Variants in TENM2 observed in about 807,000 individuals in gnomAD.
TENM2 encodes teneurin-2.
Under a neutral mutation model 245.2 loss-of-function variants are expected in TENM2, and 52 were observed. That is an observed-to-expected ratio of 0.21 (90% confidence interval 0.17 to 0.27). The LOEUF (loss-of-function observed/expected upper bound fraction) is 0.27, where lower values mean the gene tolerates loss of function less well. TENM2 is among the 10% of genes least tolerant of loss of function. The probability of loss-of-function intolerance (pLI) is 1.00; values close to 1 mark genes in which losing one functional copy is unlikely to be tolerated. For missense variants in TENM2, 3,046 were observed against 3,666.8 expected, an observed-to-expected ratio of 0.83 and a Z score of 4.37; for synonymous variants, 1,363 against 1,438.9, an observed-to-expected ratio of 0.95 and a Z score of 1.19.
intron 3 of TENM2, among the ~76,000 whole-genome samples, chr5:167,940,916 T>TA (rs1356286785): frequency 6.6e-6 from 1 of 152,184 alleles, no homozygotes; most frequent in Non-Finnish European, 1.5e-5. Context: ...ACTACACTAT[T>TA]AAAGTGTCAG....
At position 167,894,984 on chromosome 5, in the gene TENM2, AGGAAG is replaced by A. The variant is rs1775086012; in HGVS notation, c.712+18791_712+18795del. 3.1e-5 allele frequency among the ~76,000 whole-genome samples: 3 copies of A among 95,656 alleles called. No individual in the cohort carries two copies. The Admixed American group carries it at 3.5e-4, about 11-fold the overall frequency. The allele number at this position is 95,656 out of a possible 152,430, so 62.8% of individuals were successfully genotyped here. ...AAGGAAGGAAGGAAGGAAGGAAGGAAGGAAGGAGGGAAGGAAGGAAGGAAGGGAGG... is the reference window on the plus strand; with the variant it reads ...AAGGAAGGAAGGAAGGAAGGAAGGAAGAGGGAAGGAAGGAAGGAAGGGAGG... On this transcript the variant is annotated intron_variant, in intron 3 of 28. Transcript: ENST00000518659.
chr5:167,597,522 A>G (rs1259465241), intron 2 of TENM2, among the ~76,000 whole-genome samples: 2 of 151,998 alleles, frequency 1.3e-5, no homozygotes, highest in Non-Finnish European at 2.9e-5. Context: ...AACATGTAAA[A>G]TTTTCCTTGG....
chr5:167,146,470 T>G, the TENM2 span, among the ~76,000 whole-genome samples: 1 of 152,196 alleles, frequency 6.6e-6, no homozygotes, highest in Admixed American at 6.5e-5. Flanking sequence ...TAAGAAACAG[T>G]GTTCATTCTG....
chr5:167,402,614 C>T lies in TENM2; in HGVS notation c.502+27141C>T, dbSNP rs147197865. Reference sequence around the variant, plus strand: ...CTGAAGTGTAGATTCTCTCTTTCTCCTTCTCCCATCCCCTAACATGAGGGA... The same window carrying T: ...CTGAAGTGTAGATTCTCTCTTTCTCTTTCTCCCATCCCCTAACATGAGGGA... On this transcript the variant is annotated intron_variant, in intron 2 of 28. Transcript: ENST00000518659. 9.5e-4 allele frequency among the ~76,000 whole-genome samples: 144 copies of T among 152,218 alleles called. 1 individual carries two copies. Among genetic ancestry groups the T allele is most frequent in the Non-Finnish European group, 1.8e-3 (120 of 68,014 alleles).
intron 2 of TENM2, among the ~76,000 whole-genome samples, chr5:167,449,557 TAGATAGATAGATAAAG>T (rs1353113697): frequency 6.8e-6 from 1 of 146,458 alleles, no homozygotes; most frequent in African/African-American, 2.6e-5. Flanking sequence ...GATAGATAGA[TAGATAGATAGATAAAG>T]ACAGTTTTTA....
intron 2 of TENM2, among the ~76,000 whole-genome samples, chr5:167,703,066 A>T (rs933099693): frequency 6.6e-6 from 1 of 152,116 alleles, no homozygotes; most frequent in African/African-American, 2.4e-5. Context: ...TCTCTTTCAC[A>T]TATGCACAGG....
intron 2 of TENM2, among the ~76,000 whole-genome samples, chr5:167,590,701 T>C (rs1477980223): frequency 2.0e-5 from 3 of 152,112 alleles, no homozygotes; most frequent in Non-Finnish European, 2.9e-5. Flanking sequence ...CTTGAGTCTC[T>C]TTAATTTGGT....
chr5:167,283,993 C>A (rs1218585886), upstream of TENM2, among the ~76,000 whole-genome samples: 1 of 151,872 alleles, frequency 6.6e-6, no homozygotes, highest in African/African-American at 2.4e-5. Context: ...AGTGGGTATC[C>A]CAGCAATGAA....
At chr5:167,481,489 G>A (rs912103686) in intron 2 of TENM2, among the ~76,000 whole-genome samples, 6 of 152,198 alleles carry the variant, frequency 3.9e-5, no homozygotes, top group Non-Finnish European at 8.8e-5. Context: ...GTCTATGGCT[G>A]CTTCCATACT....
At chr5:167,682,502 A>G (rs933262559) in intron 2 of TENM2, among the ~76,000 whole-genome samples, 2 of 152,070 alleles carry the variant, frequency 1.3e-5, no homozygotes, top group African/African-American at 4.8e-5. Context: ...TATGGATGCA[A>G]TACTCTCTTG....
At chr5:167,810,456 A>G (rs1561806991) in intron 2 of TENM2, among the ~76,000 whole-genome samples, 1 of 151,872 alleles carries the variant, frequency 6.6e-6, no homozygotes, top group South Asian at 2.1e-4. Context: ...TTTCGCCACC[A>G]TTACATGTCC....
chr5:167,532,510 G>A (rs1276115743), intron 2 of TENM2, among the ~76,000 whole-genome samples: 1 of 151,982 alleles, frequency 6.6e-6, no homozygotes, highest in Non-Finnish European at 1.5e-5. Context: ...GAGAGTTTGT[G>A]CAGGGGAACT....
the TENM2 span, among the ~76,000 whole-genome samples, chr5:167,166,518 A>C: frequency 6.6e-6 from 1 of 152,192 alleles, no homozygotes; most frequent in South Asian, 2.1e-4. Flanking sequence ...CGTTTTTTAA[A>C]CTGTAAAAGA....
Position 167,569,972 on chromosome 5 carries a change from T to C in TENM2, c.502+194499T>C, listed in dbSNP as rs142176911. On this transcript the variant is annotated intron_variant, in intron 2 of 28. Coordinates refer to ENST00000518659, the Ensembl canonical transcript of TENM2. ...CTATGGGAATTAACAGTTTCATCAA[T>C]GTAAACCAAGAAAGTCAAGGATATA... Among the ~76,000 whole-genome samples the C allele has an allele frequency of 4.1e-3, 621 of 152,290 alleles. 3 individuals carry two copies. The highest frequency in any genetic ancestry group is 0.018 in the South Asian group (85 of 4,828).
rs78396861 is a variant in TENM2 at position 167,938,017 on chromosome 5, C to T, written c.713-14571C>T. On this transcript the variant is annotated intron_variant, in intron 3 of 28. Coordinates refer to ENST00000518659, the Ensembl canonical transcript of TENM2. Reference sequence around the variant, plus strand: ...CCAGGGCAGGAATTCTGACTCTGAACCTTGCAAAGAAAGCAATTCAGCACA... The same window carrying T: ...CCAGGGCAGGAATTCTGACTCTGAATCTTGCAAAGAAAGCAATTCAGCACA... 403 of 152,374 alleles carry T rather than the reference C, an allele frequency of 2.6e-3. 2 individuals carry two copies. The highest frequency in any genetic ancestry group is 3.8e-3 in the Non-Finnish European group (260 of 68,030). The allele number at this position is 152,374 out of a possible 1,614,324, so 9.4% of individuals were successfully genotyped here. A position where few individuals can be genotyped will look rare whatever the true frequency, so the allele number is the denominator to read the frequency against.
chr5:167,521,133 C>A (rs923099320), intron 2 of TENM2, among the ~76,000 whole-genome samples: 1 of 151,684 alleles, frequency 6.6e-6, no homozygotes, highest in African/African-American at 2.4e-5. Context: ...CATAGGCAAC[C>A]ATATGCCATG....
At chr5:167,309,121 A>G (rs1257759347) in intron 1 of TENM2, among the ~76,000 whole-genome samples, 1 of 152,134 alleles carries the variant, frequency 6.6e-6, no homozygotes, top group Non-Finnish European at 1.5e-5. Context: ...TCACCTTCCT[A>G]TAGAATGATC....
rs1581265539 is a variant in TENM2 at position 168,090,000 on chromosome 5, C to G, written c.1516-574C>G. Among the ~76,000 whole-genome samples the G allele has an allele frequency of 1.3e-5, 2 of 152,270 alleles. 1 individual carries two copies. Among genetic ancestry groups the G allele is most frequent in the Middle Eastern group, 6.8e-3 (2 of 294 alleles). On this transcript the variant is annotated intron_variant, in intron 7 of 28. Coordinates refer to ENST00000518659, the Ensembl canonical transcript of TENM2. ...GGATTTTCTCAGGCTCCATAGCCCT[C>G]ATCATAGCCCTTCTGCTGTGCCATT...
chr5:167,754,140 A>T (rs1762131877), intron 2 of TENM2, among the ~76,000 whole-genome samples: 1 of 152,190 alleles, frequency 6.6e-6, no homozygotes, highest in Non-Finnish European at 1.5e-5. Flanking sequence ...CTGCAACTAT[A>T]CTTTCCTTCC....
Sources: gnomAD v4.1 joint callset for allele counts (sites outside exome capture counted in the v4.1 genomes callset) on GRCh38, gnomAD v4.1.1 for gene constraint, MANE v1.5 for transcripts, NCBI Gene and HGNC (gene_info 2026-07-23, HGNC 2026-07-21) for gene names.